The following PACRG variants were observed in gnomAD, a reference collection of about 807,000 sequenced individuals.
The protein encoded by PACRG is parkin coregulated.
A neutral mutation model predicts 29.7 loss-of-function variants in PACRG; 29 were observed. The observed-to-expected ratio is 0.98, with a 90% CI of 0.73 to 1.33. The LOEUF (loss-of-function observed/expected upper bound fraction) is 1.33. Ranked by LOEUF, PACRG falls within the 40% of genes most tolerant of loss-of-function variation. PACRG has a pLI of 0.00. For synonymous variants in PACRG, 116 were observed against 118.7 expected (o/e 0.98, Z 0.15); for missense variants, 279 against 316.2 (o/e 0.88, Z 0.89).
At chr6:162,741,753 T>G (rs2128262611) in intron 1 of PACRG, among the ~76,000 whole-genome samples, 1 of 152,256 alleles carries the variant, frequency 6.6e-6, no homozygotes, top group East Asian at 1.9e-4. Flanking sequence ...TCTCTTGGAG[T>G]TCTTGGCTGC....
chr6:163,205,231 G>A (rs1206610535), intron 4 of PACRG, among the ~76,000 whole-genome samples: 2 of 152,114 alleles, frequency 1.3e-5, no homozygotes, highest in Admixed American at 1.3e-4. Flanking sequence ...AAATTTATGT[G>A]GAACCAAAAA....
At chr6:162,882,674 C>T (rs1168654223) in intron 2 of PACRG, among the ~76,000 whole-genome samples, 2 of 152,170 alleles carry the variant, frequency 1.3e-5, no homozygotes, top group African/African-American at 4.8e-5. Flanking sequence ...GAACATCACA[C>T]CTGGAGAAAA....
intron 2 of PACRG, among the ~76,000 whole-genome samples, chr6:163,005,889 C>T (rs1805032047): frequency 6.9e-6 from 1 of 144,066 alleles, no homozygotes; most frequent in Non-Finnish European, 1.5e-5. Flanking sequence ...TATATATATA[C>T]AACGTAGTTA....
At chr6:163,037,324 G>A (rs1808295590) in intron 2 of PACRG, among the ~76,000 whole-genome samples, 2 of 152,280 alleles carry the variant, frequency 1.3e-5, no homozygotes, top group African/African-American at 4.8e-5. Context: ...TCTGCCTCAC[G>A]TTGTCCTCTC....
intron 4 of PACRG, among the ~76,000 whole-genome samples, chr6:163,295,824 A>G (rs1784761820): frequency 6.6e-6 from 1 of 152,184 alleles, no homozygotes; most frequent in African/African-American, 2.4e-5. Flanking sequence ...CATCTTCTTC[A>G]GCATCATGGC....
chr6:163,054,763 G>A (rs1006972686), intron 2 of PACRG, among the ~76,000 whole-genome samples: 7 of 152,064 alleles, frequency 4.6e-5, no homozygotes, highest in Non-Finnish European at 7.4e-5. Flanking sequence ...CCAGCCATTC[G>A]CATCCCAGTT....
intron 4 of PACRG, among the ~76,000 whole-genome samples, chr6:163,143,545 C>A (rs1777641220): frequency 6.6e-6 from 1 of 152,092 alleles, no homozygotes; most frequent in Non-Finnish European, 1.5e-5. Flanking sequence ...TTGGACAGCC[C>A]AGGAAGGCCT....
chr6:163,121,994 C>A (rs573977729), intron 4 of PACRG, among the ~76,000 whole-genome samples: 1 of 151,974 alleles, frequency 6.6e-6, no homozygotes, highest in African/African-American at 2.4e-5. Context: ...TTTTTCTTTT[C>A]ACTTGCTGCT....
intron 4 of PACRG, among the ~76,000 whole-genome samples, chr6:163,103,633 T>C (rs573257551): frequency 6.6e-6 from 1 of 152,334 alleles, no homozygotes; most frequent in South Asian, 2.1e-4. Context: ...CCTTGATTCA[T>C]GTTTGACTGA....
In PACRG at chr6:162,863,552, C is replaced by A. The variant is rs1262317226; in HGVS notation, c.291+49271C>A. On this transcript the variant is annotated intron_variant, in intron 2 of 4. Transcript: ENST00000366888. ...TGCATAGCAGAGGCTAAGCTACAGG[C>A]TGGGTACCACTGAGCAGTGGAGTAA... Among the ~76,000 whole-genome samples, 13 of 152,328 alleles carry A rather than the reference C, an allele frequency of 8.5e-5. No homozygotes were observed. The South Asian group carries it at 2.7e-3, about 32-fold the overall frequency.
intron 2 of PACRG, among the ~76,000 whole-genome samples, chr6:163,057,770 T>C (rs1483697837): frequency 1.3e-5 from 2 of 152,254 alleles, no homozygotes; most frequent in African/African-American, 4.8e-5. Context: ...TCCTCTCTTC[T>C]TGAATTCCCA....
intron 2 of PACRG, among the ~76,000 whole-genome samples, chr6:163,061,805 A>G (rs531393112): frequency 6.6e-6 from 1 of 152,288 alleles, no homozygotes; most frequent in East Asian, 1.9e-4. Context: ...GGATCTTTTC[A>G]GCAAACATTC....
chr6:163,026,515 G>T (rs1489362272), intron 2 of PACRG, among the ~76,000 whole-genome samples: 1 of 152,216 alleles, frequency 6.6e-6, no homozygotes, highest in Non-Finnish European at 1.5e-5. Context: ...GGAAAGAAAT[G>T]TGAGAAAATA....
At chr6:163,204,632 T>C (rs1161645185) in intron 4 of PACRG, among the ~76,000 whole-genome samples, 1 of 152,070 alleles carries the variant, frequency 6.6e-6, no homozygotes, top group African/African-American at 2.4e-5. Context: ...CCCTGCAGAT[T>C]GTCAGGAGCT....
chr6:162,744,634 A>G (rs2128267930), intron 1 of PACRG, among the ~76,000 whole-genome samples: 1 of 152,284 alleles, frequency 6.6e-6, no homozygotes, highest in Non-Finnish European at 1.5e-5. Context: ...GTGTATAGTA[A>G]GAATTTGGTC....
At chr6:163,021,947 C>A (rs549214149) in intron 2 of PACRG, among the ~76,000 whole-genome samples, 37 of 152,324 alleles carry the variant, frequency 2.4e-4, no homozygotes, top group African/African-American at 8.2e-4. Flanking sequence ...ATTTTAATAT[C>A]CCAAAATATT....
chr6:163,140,675 C>T (rs1006096533), intron 4 of PACRG, among the ~76,000 whole-genome samples: 1 of 151,840 alleles, frequency 6.6e-6, no homozygotes, highest in Non-Finnish European at 1.5e-5. Flanking sequence ...AAAAGGCAGC[C>T]CACACAATAA....
At chr6:163,309,667 G>A (rs1785333377) in intron 4 of PACRG, among the ~76,000 whole-genome samples, 1 of 152,188 alleles carries the variant, frequency 6.6e-6, no homozygotes, top group African/African-American at 2.4e-5. Flanking sequence ...CCAAGTTAGT[G>A]TTTCCTGGGA....
At chr6:162,778,216 G>A (rs990918084) in intron 1 of PACRG, among the ~76,000 whole-genome samples, 1 of 152,156 alleles carries the variant, frequency 6.6e-6, no homozygotes, top group Non-Finnish European at 1.5e-5. Context: ...TGATTGTGGC[G>A]TTGGTTCTGA....
Sources: allele counts gnomAD v4.1 joint callset (sites outside exome capture counted in the v4.1 genomes callset), GRCh38; gene constraint gnomAD v4.1.1; transcripts MANE v1.5; gene names NCBI Gene and HGNC (gene_info 2026-07-23, HGNC 2026-07-21).